MUC4: variants seen among roughly 807,000 people sequenced by gnomAD.
MUC4 encodes the protein mucin 4, cell surface associated.
Under a neutral mutation model 257.9 loss-of-function variants are expected in MUC4, and 202 were observed. The observed-to-expected ratio is 0.78, with a 90% CI of 0.70 to 0.88. The LOEUF is 0.88. Among genes scored for constraint, MUC4 ranks in the 40% least tolerant of loss-of-function variants. The probability of loss-of-function intolerance (pLI) is 0.00; values close to 1 mark genes in which losing one functional copy is unlikely to be tolerated. For synonymous variants in MUC4, 2,351 were observed against 2,757.1 expected (o/e 0.85, Z 4.62); for missense variants, 5,976 against 6,513.7 (o/e 0.92, Z 2.84).
intron 15 of MUC4, 131 bp from the exon 16 acceptor site, chr3:195,761,248 T>C: frequency 1.2e-6 from 1 of 852,496 alleles, no homozygotes; most frequent in Non-Finnish European, 1.9e-6. Context: ...GGTTTCCAGC[T>C]TCTGAGTCTA....
At chr3:195,776,235 C>T (rs1163111635) in intron 3 of MUC4, among the ~76,000 whole-genome samples, 3 of 59,086 alleles carry the variant, frequency 5.1e-5, no homozygotes, top group Admixed American at 1.5e-4. Flanking sequence ...CCTTCCACAC[C>T]CATACCTTCC....
chr3:195,762,354 G>A, intron 13 of MUC4, 100 bp from the exon 14 acceptor site: 2 of 1,319,008 alleles, frequency 1.5e-6, no homozygotes, highest in Non-Finnish European at 2.1e-6. Flanking sequence ...CCCCGCCCCT[G>A]GGGCTGAAGC....
chr3:195,790,352 TCTC>T lies in MUC4; in HGVS notation c.1225_1227del (p.Glu409del). The T allele has an allele frequency of 6.2e-7, 1 of 1,613,870 alleles. No individual in the cohort carries two copies. The highest frequency in any genetic ancestry group is 8.5e-7 in the Non-Finnish European group (1 of 1,179,778). On this transcript the variant is annotated inframe_deletion, in exon 2 of 25. Transcript: ENST00000463781. ...ATGGTTCCACTTACAGATAGTGATG[TCTC>T]CTCTGTGTTTCCAAGAGTAGAGTCT...
Position 195,783,657 on chromosome 3 carries a change from A to G in MUC4, c.7923T>C (p.Leu2641=). Residue 2641 remains leucine (L), a synonymous_variant, in exon 2 of 25, where the codon CTT becomes CTC. Transcript: ENST00000463781. The stretch of plus-strand genomic sequence containing the variant: ...ATGCTGAGGAAGCGTCGGTGACAAG[A>G]AGAGGAGTGGCGTGACCTGTGGATG... The part of the protein sequence containing the change: ...SSASTGHATP[L]LVTDASSAST... The G allele has an allele frequency of 2.7e-6, 1 of 371,366 alleles. No homozygotes were observed. Among genetic ancestry groups the G allele is most frequent in the Non-Finnish European group, 4.6e-6 (1 of 216,134 alleles). The allele number at this position is 371,366 out of a possible 1,614,324, so 23.0% of individuals were successfully genotyped here. A position where few individuals can be genotyped will look rare whatever the true frequency, so the allele number is the denominator to read the frequency against.
chr3:195,775,857 CGG>C (rs1385128426), intron 3 of MUC4, among the ~76,000 whole-genome samples: 29 of 117,440 alleles, frequency 2.5e-4, no homozygotes, highest in Non-Finnish European at 3.4e-4. Flanking sequence ...ATACCTTCCA[CGG>C]CCATACCTTC....
intron 8 of MUC4, among the ~76,000 whole-genome samples, 158 bp from the exon 9 acceptor site, chr3:195,765,607 C>A (rs1720291859): frequency 6.6e-6 from 1 of 152,258 alleles, no homozygotes; most frequent in African/African-American, 2.4e-5. Flanking sequence ...TCCCCCAAAG[C>A]CCCTCGCTTG....
At chr3:195,759,076 A>T (rs1458017866) in intron 17 of MUC4, 48 bp downstream of exon 17, 1 of 1,605,156 alleles carries the variant, frequency 6.2e-7, no homozygotes, top group Middle Eastern at 1.8e-4. Flanking sequence ...CTCTGACCTC[A>T]TCCCCTACCC....
rs1175797848 is a variant in MUC4 at position 195,789,790 on chromosome 3, G to A, written c.1790C>T (p.Ser597Phe). Reference sequence around the variant, plus strand: ...GTGTCTATCCAGCATAGGTGAAGAAGATGGGGATGTGGCCGTTTTTATCAT... The same window carrying A: ...GTGTCTATCCAGCATAGGTGAAGAAAATGGGGATGTGGCCGTTTTTATCAT... ...TQMIKTATSP[S>F]SSPMLDRHTS... Residue 597 changes from serine to phenylalanine, a missense_variant, in exon 2 of 25, where the codon TCT becomes TTT. Ser to Phe is a radical substitution (Grantham distance 155). This residue lies in a region of MUC4 where 1,583 missense variants were observed against 1,257.4 expected (regional missense o/e 1.26). Coordinates refer to ENST00000463781, the MANE Select transcript of MUC4 (RefSeq NM_018406.7). 6.2e-7 allele frequency: 1 copy of A among 1,614,008 alleles called. No homozygotes were observed. Among genetic ancestry groups the A allele is most frequent in the Non-Finnish European group, 8.5e-7 (1 of 1,179,852 alleles).
chr3:195,752,025 G>T, intron 21 of MUC4: 1 of 321,298 alleles, frequency 3.1e-6, no homozygotes, highest in South Asian at 6.3e-5. Flanking sequence ...CTGAGGTATG[G>T]CATGGCAGCC....
At chr3:195,807,486 C>T (rs1313445621) in intron 1 of MUC4, among the ~76,000 whole-genome samples, 1 of 151,882 alleles carries the variant, frequency 6.6e-6, no homozygotes, top group Non-Finnish European at 1.5e-5. Flanking sequence ...AACAAACAAA[C>T]CCAAAAAACC....
Position 195,810,997 on chromosome 3 carries a change from C to T in MUC4, c.82+739G>A, listed in dbSNP as rs975661398. On this transcript the variant is annotated intron_variant, in intron 1 of 24. Transcript: ENST00000463781. The surrounding 1 kb of genome is among the most constrained non-coding windows in gnomAD (Gnocchi z 4.2). ...TCTCACCATGGATCCTTCCAGACATCGCCGGGCTGCTCTCTGGCCCTCTGT... is the reference window on the plus strand; with the variant it reads ...TCTCACCATGGATCCTTCCAGACATTGCCGGGCTGCTCTCTGGCCCTCTGT... Among the ~76,000 whole-genome samples the T allele has an allele frequency of 4.6e-5, 7 of 151,958 alleles. No homozygotes were observed. Among genetic ancestry groups the T allele is most frequent in the African/African-American group, 7.3e-5 (3 of 41,332 alleles).
Position 195,780,039 on chromosome 3 carries a change from GGAAGGGATGGT to G in MUC4, c.11530_11540del (p.Thr3844LeufsTer6). ...GCATGGTGTCACCTGTGGATACTGA[GGAAGGGATGGT>G]GACAGGAAGAGGGGTGGCGTGACCT... On this transcript the variant is annotated frameshift_variant, in exon 2 of 25. Coordinates refer to ENST00000463781, the MANE Select transcript of MUC4 (RefSeq NM_018406.7). LOFTEE classifies it high-confidence loss of function. 2 of 739,538 alleles carry G rather than the reference GGAAGGGATGGT, an allele frequency of 2.7e-6. No homozygotes were observed. The highest frequency in any genetic ancestry group is 3.5e-6 in the Non-Finnish European group (2 of 576,590). 45.8% of individuals were successfully genotyped at this position (739,538 alleles called of 1,614,324 possible). A position where few individuals can be genotyped will look rare whatever the true frequency, so the allele number is the denominator to read the frequency against.
chr3:195,762,330 C>T lies in MUC4; in HGVS notation c.14345-76G>A, dbSNP rs1289700176. On this transcript the variant is annotated intron_variant, in intron 13 of 24. Transcript: ENST00000463781. ...GCACCAAACCCGCGCCCTGCCGGGC[C>T]CGCACCACCCCCACCCCGCCCCTGG... 4.9e-6 allele frequency: 7 copies of T among 1,430,582 alleles called. No individual in the cohort carries two copies. In the African/African-American group the frequency reaches 8.6e-5, roughly 18 times the overall value. The allele number at this position is 1,430,582 out of a possible 1,614,324, so 88.6% of individuals were successfully genotyped here.
Position 195,787,934 on chromosome 3 carries a change from G to C in MUC4, c.3646C>G (p.Pro1216Ala). The C allele has an allele frequency of 1.0e-6, 1 of 978,314 alleles. No homozygotes were observed. The highest frequency in any genetic ancestry group is 2.9e-5 in the East Asian group (1 of 34,432). The allele number at this position is 978,314 out of a possible 1,614,324, so 60.6% of individuals were successfully genotyped here. A position where few individuals can be genotyped will look rare whatever the true frequency, so the allele number is the denominator to read the frequency against. ...GAGGAAGCGTCGGTGACAGGAAGAG[G>C]GGTGGCGTGTCCTGTGGATGCTGAG... ...TSSASTGHAT[P>A]LPVTDASSVS... Residue 1216 changes from proline (P) to alanine (A), a missense_variant, in exon 2 of 25, where the codon CCT becomes GCT. Transcript: ENST00000463781.
chr3:195,776,117 T>A (rs867733284), intron 3 of MUC4, among the ~76,000 whole-genome samples: 357 of 2,224 alleles, frequency 0.16, no homozygotes, highest in Non-Finnish European at 0.19. Flanking sequence ...TTCCACACCC[T>A]TACCTTCCAC....
intron 7 of MUC4, 118 bp downstream of exon 7, chr3:195,768,904 G>C (rs1722198381): frequency 2.2e-6 from 3 of 1,341,380 alleles, no homozygotes; most frequent in Non-Finnish European, 3.0e-6. Context: ...GCGTGAGTCA[G>C]AAGCACCAGC....
Position 195,785,175 on chromosome 3 carries a change from G to C in MUC4, c.6405C>G (p.Ser2135=), listed in dbSNP as rs62282483. 3.9e-6 allele frequency: 6 copies of C among 1,540,466 alleles called. 1 individual carries two copies. Among genetic ancestry groups the C allele is most frequent in the Admixed American group, 3.9e-5 (2 of 50,648 alleles). The change falls in exon 2 of 25, where the codon TCC becomes TCG. Residue 2135 remains serine, a synonymous_variant. Coordinates refer to ENST00000463781, the MANE Select transcript of MUC4 (RefSeq NM_018406.7). ...DTTPLPVTSP[S]STSTGDTTPL... is the part of the protein sequence containing the mutation. ...GGGTGGTGTCACCTGTGGATGTTGA[G>C]GAAGGGCTGGTGACAGGAAGAGGGG...
At chr3:195,797,446 T>TAAA (rs1229729947) in intron 1 of MUC4, among the ~76,000 whole-genome samples, 1 of 152,188 alleles carries the variant, frequency 6.6e-6, no homozygotes, top group Non-Finnish European at 1.5e-5. Context: ...AGTCAACACT[T>TAAA]ACTCCTGTTA....
chr3:195,788,003 C>G lies in MUC4; in HGVS notation c.3577G>C (p.Ala1193Pro). The change falls in exon 2 of 25, where the codon GCA becomes CCA. Residue 1193 changes from alanine (A) to proline (P), a missense_variant. Physicochemically the swap from Ala to Pro is conservative, Grantham distance 27 (BLOSUM62 -1). Transcript: ENST00000463781. ...TPLPVTSPSS[A>P]STGHATPLLV... ...AGAGGGGTGGCGTGACCTGTGGATG[C>G]TGAGGAAGGGCTAGTGACAGGAAGA... The G allele has an allele frequency of 2.3e-6, 3 of 1,282,892 alleles. No individual in the cohort carries two copies. The highest frequency in any genetic ancestry group is 3.1e-6 in the Non-Finnish European group (3 of 975,464). The allele number at this position is 1,282,892 out of a possible 1,614,324, so 79.5% of individuals were successfully genotyped here.
Sources: gnomAD v4.1 joint callset for allele counts (sites outside exome capture counted in the v4.1 genomes callset) on GRCh38, gnomAD v4.1.1 for gene constraint, gnomAD v4.1.1 regional missense constraint, Gnocchi (gnomAD v3.1) non-coding constraint, MANE v1.5 for transcripts, NCBI Gene and HGNC (gene_info 2026-07-23, HGNC 2026-07-21) for gene names.